Variants in CTNND2 observed in about 807,000 individuals in gnomAD.
CTNND2 encodes catenin delta-2.
In CTNND2, 22 loss-of-function variants were observed where a neutral mutation model predicts 144.4. The observed-to-expected ratio is 0.15, with a 90% confidence interval of 0.11 to 0.22. The LOEUF (loss-of-function observed/expected upper bound fraction) is 0.22. CTNND2 is among the 10% of genes least tolerant of loss of function. CTNND2 has a pLI of 1.00. For missense variants in CTNND2, 1,353 were observed against 1,618.8 expected, an observed-to-expected ratio of 0.84 and a Z score of 2.82; for synonymous variants, 751 against 695.6, an observed-to-expected ratio of 1.08 and a Z score of -1.25.
intron 16 of CTNND2, among the ~76,000 whole-genome samples, chr5:11,072,236 T>C (rs955463640): frequency 3.9e-5 from 6 of 152,262 alleles, no homozygotes; most frequent in East Asian, 1.9e-4. Context: ...AATGTTAATG[T>C]TGCAGTCTTA....
At chr5:11,731,729 C>G (rs564738976) in intron 2 of CTNND2, among the ~76,000 whole-genome samples, 1 of 152,274 alleles carries the variant, frequency 6.6e-6, no homozygotes, top group South Asian at 2.1e-4. Flanking sequence ...TTTGCCTTGA[C>G]TTTGATGTGA....
At chr5:11,122,628 T>C (rs1324075901) in intron 12 of CTNND2, among the ~76,000 whole-genome samples, 2 of 152,012 alleles carry the variant, frequency 1.3e-5, no homozygotes, top group East Asian at 3.9e-4. Context: ...AGGCGCTCCC[T>C]GAGCTCCTAC....
At chr5:11,712,942 A>T (rs1375909319) in intron 2 of CTNND2, among the ~76,000 whole-genome samples, 1 of 152,192 alleles carries the variant, frequency 6.6e-6, no homozygotes, top group East Asian at 1.9e-4. Flanking sequence ...ATTTTTTGAT[A>T]ATATAGTCAT....
intron 2 of CTNND2, among the ~76,000 whole-genome samples, chr5:11,601,433 A>C (rs1426743653): frequency 6.6e-6 from 1 of 152,154 alleles, no homozygotes; most frequent in Non-Finnish European, 1.5e-5. Context: ...TTAAGTGATA[A>C]ATAATTGGAA....
chr5:11,218,645 A>G (rs529039028), intron 10 of CTNND2, among the ~76,000 whole-genome samples: 5 of 152,316 alleles, frequency 3.3e-5, no homozygotes, highest in African/African-American at 1.2e-4. Context: ...TTTTAGCTTG[A>G]ACTACGTTGA....
At chr5:11,358,327 T>C (rs1364909966) in intron 8 of CTNND2, among the ~76,000 whole-genome samples, 1 of 152,190 alleles carries the variant, frequency 6.6e-6, no homozygotes, top group Non-Finnish European at 1.5e-5. Context: ...ACTTCTTATT[T>C]ATACCTTTTT....
At chr5:11,718,113 T>G (rs1185536124) in intron 2 of CTNND2, among the ~76,000 whole-genome samples, 1 of 152,204 alleles carries the variant, frequency 6.6e-6, no homozygotes, top group African/African-American at 2.4e-5. Flanking sequence ...ATTAATAAAA[T>G]AATTTCAATA....
intron 3 of CTNND2, among the ~76,000 whole-genome samples, chr5:11,538,479 G>T (rs1290372161): frequency 6.6e-6 from 1 of 152,150 alleles, no homozygotes; most frequent in African/African-American, 2.4e-5. Flanking sequence ...AAAGAATGCT[G>T]TATACACAGG....
chr5:11,694,736 C>T (rs1288402094), intron 2 of CTNND2, among the ~76,000 whole-genome samples: 2 of 152,334 alleles, frequency 1.3e-5, no homozygotes, highest in African/African-American at 2.4e-5. Flanking sequence ...GTAAGGATTA[C>T]ACCTTCTATT....
At chr5:11,372,186 C>T (rs997544655) in intron 7 of CTNND2, among the ~76,000 whole-genome samples, 2 of 152,208 alleles carry the variant, frequency 1.3e-5, no homozygotes, top group African/African-American at 2.4e-5. Flanking sequence ...GACTCAAATA[C>T]TTTCCAGCAA....
At chr5:11,189,574 C>T (rs546394007) in intron 11 of CTNND2, among the ~76,000 whole-genome samples, 1 of 152,232 alleles carries the variant, frequency 6.6e-6, no homozygotes, top group African/African-American at 2.4e-5. Flanking sequence ...TTTTCTCTAG[C>T]TTACACTGTT....
intron 1 of CTNND2, among the ~76,000 whole-genome samples, chr5:11,899,848 G>C (rs1305339758): frequency 1.3e-5 from 2 of 152,296 alleles, no homozygotes; most frequent in East Asian, 3.9e-4. Context: ...AGAAGAGACA[G>C]GGCTGGAATC....
At chr5:11,167,619 A>G (rs1759465168) in intron 11 of CTNND2, among the ~76,000 whole-genome samples, 1 of 152,198 alleles carries the variant, frequency 6.6e-6, no homozygotes, top group African/African-American at 2.4e-5. Context: ...TTCAAATTTC[A>G]GTACCAGCAG....
chr5:11,816,122 C>G (rs77627516), intron 1 of CTNND2, among the ~76,000 whole-genome samples: 4,473 of 152,284 alleles, frequency 0.029, 225 homozygotes, highest in African/African-American at 0.1. Flanking sequence ...CTGGGGGCTG[C>G]CACTTGCCTC....
intron 2 of CTNND2, among the ~76,000 whole-genome samples, chr5:11,689,349 T>C (rs1182113688): frequency 1.3e-5 from 2 of 152,248 alleles, no homozygotes; most frequent in African/African-American, 4.8e-5. Flanking sequence ...TGTTCTATGA[T>C]GGTAAAACAT....
chr5:11,641,518 C>CACATATACACGTATATGTACATGCAT (rs1782000803), intron 2 of CTNND2, among the ~76,000 whole-genome samples: 3 of 150,838 alleles, frequency 2.0e-5, no homozygotes, highest in African/African-American at 4.9e-5. Context: ...TGTACATGCA[C>CACATATACACGTATATGTACATGCAT]ACATATACAC....
At chr5:11,272,276 C>A (rs1246262910) in intron 9 of CTNND2, among the ~76,000 whole-genome samples, 2 of 152,166 alleles carry the variant, frequency 1.3e-5, no homozygotes, top group African/African-American at 4.8e-5. Flanking sequence ...TCTATAGCCA[C>A]TCAGATTATT....
At chr5:11,742,184 C>T (rs1411608315) in intron 1 of CTNND2, among the ~76,000 whole-genome samples, 1 of 152,018 alleles carries the variant, frequency 6.6e-6, no homozygotes, top group African/African-American at 2.4e-5. Context: ...CCACCTGTTA[C>T]CCCAAAACTT....
intron 2 of CTNND2, among the ~76,000 whole-genome samples, chr5:11,717,400 C>T (rs1283481874): frequency 6.6e-6 from 1 of 150,750 alleles, no homozygotes; most frequent in Admixed American, 6.6e-5. Context: ...ATGGTGAAGC[C>T]CCATTTCTAC....
Sources: gnomAD v4.1 joint callset for allele counts (sites outside exome capture counted in the v4.1 genomes callset) on GRCh38, gnomAD v4.1.1 for gene constraint, MANE v1.5 for transcripts, NCBI Gene and HGNC (gene_info 2026-07-23, HGNC 2026-07-21) for gene names.